VEPH1: variants seen among roughly 807,000 people sequenced by gnomAD.
VEPH1 encodes ventricular zone expressed PH domain containing 1.
In VEPH1, 80 loss-of-function variants were observed where a neutral mutation model predicts 85.2. The ratio of observed to expected loss-of-function variants is 0.94; its 90% CI spans 0.78 to 1.13. The LOEUF (loss-of-function observed/expected upper bound fraction) is 1.13. Ranked by LOEUF, VEPH1 falls within the 50% of genes most tolerant of loss-of-function variation. The pLI is 0.00. For synonymous variants in VEPH1, 297 were observed against 348.0 expected, an observed-to-expected ratio of 0.85 and a Z score of 1.63; for missense variants, 955 against 980.5, an observed-to-expected ratio of 0.97 and a Z score of 0.35.
At chr3:157,497,698 C>T (rs1328703024) in intron 1 of VEPH1, among the ~76,000 whole-genome samples, 1 of 152,128 alleles carries the variant, frequency 6.6e-6, no homozygotes, top group African/African-American at 2.4e-5. Flanking sequence ...CAGAGGAGCA[C>T]CCCCAGGCTT....
At chr3:157,310,603 A>G (rs1720003398) in intron 11 of VEPH1, among the ~76,000 whole-genome samples, 1 of 152,228 alleles carries the variant, frequency 6.6e-6, no homozygotes, top group African/African-American at 2.4e-5. Context: ...TAACAAAACA[A>G]CAGATGTTTC....
intron 1 of VEPH1, among the ~76,000 whole-genome samples, chr3:157,497,949 C>T (rs543417435): frequency 2.7e-4 from 41 of 152,258 alleles, no homozygotes; most frequent in African/African-American, 9.9e-4. Flanking sequence ...CTCTTTTGCA[C>T]GTTTTCAACT....
At chr3:157,275,574 CA>C (rs34683804) in intron 12 of VEPH1, among the ~76,000 whole-genome samples, 7,280 of 141,974 alleles carry the variant, frequency 0.051, 236 homozygotes, top group South Asian at 0.09. Flanking sequence ...CACTCCATTT[CA>C]AAAAAAACCA....
chr3:157,401,009 T>C (rs1730752118), intron 6 of VEPH1, among the ~76,000 whole-genome samples: 1 of 152,130 alleles, frequency 6.6e-6, no homozygotes, highest in Admixed American at 6.6e-5. Flanking sequence ...TCCTGAACAA[T>C]GGCCCCACTA....
chr3:157,427,427 C>A (rs1042169050), intron 5 of VEPH1, among the ~76,000 whole-genome samples: 1 of 151,958 alleles, frequency 6.6e-6, no homozygotes, highest in African/African-American at 2.4e-5. Context: ...CCATTTGTTG[C>A]TTTTCATTAC....
intron 11 of VEPH1, among the ~76,000 whole-genome samples, chr3:157,309,904 C>G (rs910512025): frequency 1.3e-5 from 2 of 152,040 alleles, no homozygotes; most frequent in Non-Finnish European, 2.9e-5. Context: ...CTCAGCCTCC[C>G]GAGTAGTTGG....
chr3:157,439,349 T>G (rs994865863), intron 4 of VEPH1, among the ~76,000 whole-genome samples: 1 of 152,228 alleles, frequency 6.6e-6, no homozygotes, highest in African/African-American at 2.4e-5. Context: ...CCAATAATAC[T>G]TTTACCCATA....
At chr3:157,406,653 C>T (rs1442491361) in intron 6 of VEPH1, among the ~76,000 whole-genome samples, 1 of 131,836 alleles carries the variant, frequency 7.6e-6, no homozygotes, top group Non-Finnish European at 1.6e-5. Flanking sequence ...GCAGTGGCTG[C>T]ACTCAGGGGC....
chr3:157,432,389 G>C (rs1233188786), intron 4 of VEPH1, among the ~76,000 whole-genome samples: 1 of 151,746 alleles, frequency 6.6e-6, no homozygotes, highest in Admixed American at 6.6e-5. Flanking sequence ...CTGTATTCCA[G>C]GGTCATAAAA....
At chr3:157,436,964 C>T (rs1414831614) in intron 4 of VEPH1, 2 of 1,614,036 alleles carry the variant, frequency 1.2e-6, no homozygotes, top group Admixed American at 1.7e-5. Flanking sequence ...GTTTTGTGCT[C>T]TCTGGTCTGC....
In VEPH1 at chr3:157,324,801, C is replaced by T. The variant is rs1053290546; in HGVS notation, c.1736-7600G>A. Among the ~76,000 whole-genome samples, 6 of 152,090 alleles carry T rather than the reference C, an allele frequency of 3.9e-5. No homozygotes were observed. The South Asian group carries it at 6.2e-4, about 16-fold the overall frequency. ...TGAATAGCGCTGCAATGAACATACA[C>T]GTGCATGTATATTTTTAATAGAATT... is the stretch of plus-strand genomic sequence containing the variant. On this transcript the variant is annotated intron_variant, in intron 9 of 13. Transcript: ENST00000362010.
chr3:157,496,339 A>G (rs1739662910), intron 1 of VEPH1, among the ~76,000 whole-genome samples: 2 of 152,234 alleles, frequency 1.3e-5, no homozygotes, highest in African/African-American at 4.8e-5. Flanking sequence ...TTCTGGGCCT[A>G]ATAAAATCAC....
intron 6 of VEPH1, among the ~76,000 whole-genome samples, chr3:157,388,052 G>A (rs893152931): frequency 6.6e-5 from 10 of 151,986 alleles, no homozygotes; most frequent in East Asian, 3.9e-4. Flanking sequence ...TGCATTTCCC[G>A]GGCATTTGTA....
At chr3:157,324,175 C>T (rs1721642735) in intron 9 of VEPH1, among the ~76,000 whole-genome samples, 1 of 152,264 alleles carries the variant, frequency 6.6e-6, no homozygotes, top group South Asian at 2.1e-4. Context: ...TGTCTCAGCA[C>T]TCCCTGAGTA....
At chr3:157,499,417 G>A (rs1269440921) in intron 1 of VEPH1, 3 of 152,138 alleles carry the variant, frequency 2.0e-5, no homozygotes, top group Non-Finnish European at 4.4e-5. Context: ...CCTCAAAGGC[G>A]CCCTTGCAGT....
At chr3:157,345,072 C>A (rs1047713899) in intron 9 of VEPH1, among the ~76,000 whole-genome samples, 3 of 152,148 alleles carry the variant, frequency 2.0e-5, no homozygotes, top group Non-Finnish European at 4.4e-5. Context: ...ACCATAAAAA[C>A]CCTAGAAGAA....
intron 6 of VEPH1, among the ~76,000 whole-genome samples, chr3:157,383,874 G>A (rs899750400): frequency 2.9e-4 from 44 of 152,192 alleles, no homozygotes; most frequent in African/African-American, 1.0e-3. Flanking sequence ...AAATGCTCTT[G>A]GATCCAACAG....
At chr3:157,262,684 A>G (rs936482290) in intron 13 of VEPH1, among the ~76,000 whole-genome samples, 5 of 152,206 alleles carry the variant, frequency 3.3e-5, no homozygotes, top group African/African-American at 1.2e-4. Context: ...TTTTGTTTTA[A>G]AATGTCAATA....
In VEPH1 at chr3:157,362,030, T is replaced by A. The variant is rs192515432; in HGVS notation, c.1735+1334A>T. ...ATTTTACTGAGTTTTTTAATTTTTT[T>A]ATTTTTTTTTTGGGTGGGGGGACAG... is the stretch of plus-strand genomic sequence containing the variant. On this transcript the variant is annotated intron_variant, in intron 9 of 13. Transcript: ENST00000362010. Among the ~76,000 whole-genome samples the A allele has an allele frequency of 9.9e-4, 151 of 152,082 alleles. 1 individual carries two copies. The highest frequency in any genetic ancestry group is 2.1e-3 in the African/African-American group (88 of 41,380).
Sources: gnomAD v4.1 joint callset for allele counts (sites outside exome capture counted in the v4.1 genomes callset) on GRCh38, gnomAD v4.1.1 for gene constraint, MANE v1.5 for transcripts, NCBI Gene and HGNC (gene_info 2026-07-23, HGNC 2026-07-21) for gene names.